Variants in KLF12 observed in about 807,000 individuals in gnomAD.
KLF12 encodes Krueppel-like factor 12.
KLF12 carries 9 observed loss-of-function variants against 37.8 expected under a neutral mutation model. That is an observed-to-expected ratio of 0.24 (90% CI 0.14 to 0.42). KLF12 has a LOEUF of 0.42. KLF12 is among the 10% of genes least tolerant of loss of function. KLF12 has a pLI of 1.00. For synonymous variants in KLF12, 208 were observed against 202.1 expected (o/e 1.03, Z -0.25); for missense variants, 411 against 516.0 (o/e 0.80, Z 1.97).
At chr13:73,843,768 T>C (rs371397924) in intron 4 of KLF12, among the ~76,000 whole-genome samples, 51 of 152,288 alleles carry the variant, frequency 3.3e-4, no homozygotes, top group Middle Eastern at 3.4e-3. Context: ...ACATCCTTGA[T>C]CCCAAATCTC....
intron 3 of KLF12, among the ~76,000 whole-genome samples, chr13:73,873,504 T>C (rs1477472858): frequency 1.3e-5 from 2 of 152,174 alleles, no homozygotes; most frequent in Non-Finnish European, 2.9e-5. Context: ...ACTTAGATAG[T>C]AATGCTCTAA....
the KLF12 span, among the ~76,000 whole-genome samples, chr13:74,274,778 C>T: frequency 6.6e-6 from 1 of 151,800 alleles, no homozygotes; most frequent in South Asian, 2.1e-4. Flanking sequence ...CATTCCTTTA[C>T]CCATTGTTAC....
chr13:73,911,926 G>A (rs2093785386), intron 3 of KLF12, among the ~76,000 whole-genome samples: 1 of 152,110 alleles, frequency 6.6e-6, no homozygotes. Flanking sequence ...TTCCTTTTAT[G>A]TTTCTGTAGG....
intron 3 of KLF12, among the ~76,000 whole-genome samples, chr13:73,888,606 T>C (rs1056529388): frequency 6.6e-6 from 1 of 152,176 alleles, no homozygotes; most frequent in Non-Finnish European, 1.5e-5. Flanking sequence ...TTAAAAACAA[T>C]ATGGTAAGTA....
Position 73,766,382 on chromosome 13 carries a change from T to C in KLF12, c.807-1382A>G, listed in dbSNP as rs540787586. ...CCAGTTCATAATCCAGTATCCTAAA[T>C]TGGACAAAGAGGGGGAAAACGCAAT... On this transcript the variant is annotated intron_variant, in intron 5 of 7. Transcript: ENST00000377669. 6.6e-5 allele frequency among the ~76,000 whole-genome samples: 10 copies of C among 152,254 alleles called. No homozygotes were observed. The South Asian group carries it at 1.7e-3, about 25-fold the overall frequency.
At chr13:74,262,363 A>G in the KLF12 span, among the ~76,000 whole-genome samples, 1 of 152,238 alleles carries the variant, frequency 6.6e-6, no homozygotes. Context: ...ATTTGAAGAA[A>G]GCACAAGAGC....
chr13:74,277,237 C>T, the KLF12 span, among the ~76,000 whole-genome samples: 1 of 152,190 alleles, frequency 6.6e-6, no homozygotes, highest in South Asian at 2.1e-4. Context: ...TGGATCACCT[C>T]ATCTCTGCAC....
At chr13:73,738,409 C>A (rs930503186) in intron 6 of KLF12, among the ~76,000 whole-genome samples, 5 of 152,004 alleles carry the variant, frequency 3.3e-5, no homozygotes, top group African/African-American at 9.6e-5. Context: ...GCCTCAGCCT[C>A]CCAAAGTGTT....
intron 4 of KLF12, among the ~76,000 whole-genome samples, chr13:73,830,589 T>C (rs896589856): frequency 1.3e-5 from 2 of 152,240 alleles, no homozygotes; most frequent in Non-Finnish European, 2.9e-5. Flanking sequence ...CAGAATTTTA[T>C]TGAACTCATT....
chr13:74,167,637 C>T, the KLF12 span, among the ~76,000 whole-genome samples: 1 of 152,300 alleles, frequency 6.6e-6, no homozygotes, highest in Non-Finnish European at 1.5e-5. Context: ...CTAAAAGGAG[C>T]TAATATCAAC....
the KLF12 span, among the ~76,000 whole-genome samples, chr13:74,260,622 ATAAAAT>A: frequency 8.6e-6 from 1 of 116,502 alleles, no homozygotes; most frequent in African/African-American, 5.3e-5. Flanking sequence ...ATAAAATAAA[ATAAAAT>A]AGTGAATTAA....
At chr13:74,279,519 ATT>A in the KLF12 span, among the ~76,000 whole-genome samples, 2 of 146,676 alleles carry the variant, frequency 1.4e-5, no homozygotes, top group Admixed American at 6.8e-5. Flanking sequence ...AATTTTGTTC[ATT>A]TTTTTTTTTT....
rs147729578 is a variant in KLF12, at chr13:73,701,624, T to C, written c.1028-5953A>G. Among the ~76,000 whole-genome samples the C allele has an allele frequency of 7.2e-3, 1,089 of 152,246 alleles. 14 individuals carry two copies. Among genetic ancestry groups the C allele is most frequent in the African/African-American group, 0.025 (1,036 of 41,566 alleles). On this transcript the variant is annotated intron_variant, in intron 7 of 7. Coordinates refer to ENST00000377669, the MANE Select transcript of KLF12 (RefSeq NM_007249.5). Reference sequence around the variant, plus strand: ...AAGGTATTGTGCATTTCTTTGCCAATAAATCTTAATAAGTTTTTTTTGTTT... The same window carrying C: ...AAGGTATTGTGCATTTCTTTGCCAACAAATCTTAATAAGTTTTTTTTGTTT...
intron 3 of KLF12, among the ~76,000 whole-genome samples, chr13:73,933,260 T>C (rs1396895334): frequency 1.3e-5 from 2 of 152,194 alleles, no homozygotes; most frequent in Non-Finnish European, 2.9e-5. Context: ...ACCAACATTT[T>C]GGTTTTGCTG....
chr13:73,844,809 T>C (rs562837022), intron 4 of KLF12: 2 of 152,312 alleles, frequency 1.3e-5, no homozygotes. Context: ...TCAGTAGTAA[T>C]ATAGTGTCAA....
intron 1 of KLF12, among the ~76,000 whole-genome samples, chr13:74,107,953 A>C (rs1876746256): frequency 6.6e-6 from 1 of 152,224 alleles, no homozygotes; most frequent in South Asian, 2.1e-4. Context: ...TCTTAGTAAC[A>C]AAGATTAGGC....
At chr13:74,209,644 T>A in the KLF12 span, among the ~76,000 whole-genome samples, 1 of 152,124 alleles carries the variant, frequency 6.6e-6, no homozygotes, top group East Asian at 1.9e-4. Context: ...TCTTAGACAA[T>A]CTTAGGACTA....
chr13:74,280,526 T>C, the KLF12 span, among the ~76,000 whole-genome samples: 10 of 152,080 alleles, frequency 6.6e-5, no homozygotes, highest in Non-Finnish European at 1.0e-4. Context: ...GTGAAAACTG[T>C]GCAACTTTGT....
At chr13:74,134,923 G>A (rs1046577376), upstream of KLF12, among the ~76,000 whole-genome samples, 36 of 151,930 alleles carry the variant, frequency 2.4e-4, no homozygotes, top group African/African-American at 8.2e-4. Context: ...CAGCGAACTT[G>A]GAAAGGTGTG....
Sources: gnomAD v4.1 joint callset for allele counts (sites outside exome capture counted in the v4.1 genomes callset) on GRCh38, gnomAD v4.1.1 for gene constraint, MANE v1.5 for transcripts, NCBI Gene and HGNC (gene_info 2026-07-23, HGNC 2026-07-21) for gene names.